IFTAP: variants seen among roughly 807,000 people sequenced by gnomAD.
The protein encoded by IFTAP is intraflagellar transport-associated protein.
IFTAP carries 19 observed loss-of-function variants against 19.4 expected under a neutral mutation model. The ratio of observed to expected loss-of-function variants is 0.98; its 90% CI spans 0.68 to 1.44. The LOEUF is 1.44. Among genes scored for constraint, IFTAP ranks in the 40% most tolerant of loss-of-function variants. The pLI is 0.00. For synonymous variants in IFTAP, 85 were observed against 83.5 expected (o/e 1.02, Z -0.10); for missense variants, 240 against 253.6 (o/e 0.95, Z 0.36).
In IFTAP at chr11:36,659,245, A is replaced by G. The variant is rs1854124322; in HGVS notation, c.*59A>G. On this transcript the variant is annotated 3_prime_UTR_variant, in exon 6 of 6. Coordinates refer to ENST00000334307, the MANE Select transcript of IFTAP (RefSeq NM_138787.4). ...TTAATTTTGTTCTTATTCTAGCAAC[A>G]TTAGAATAAAAGATAAACCTACTAT... 2 of 1,378,648 alleles carry G rather than the reference A, an allele frequency of 1.5e-6. No homozygotes were observed. Among genetic ancestry groups the G allele is most frequent in the African/African-American group, 1.5e-5 (1 of 67,686 alleles). 85.4% of individuals were successfully genotyped at this position (1,378,648 alleles called of 1,614,324 possible). A position where few individuals can be genotyped will look rare whatever the true frequency, so the allele number is the denominator to read the frequency against.
chr11:36,601,480 T>G (rs1349775396), intron 1 of IFTAP, among the ~76,000 whole-genome samples: 1 of 152,150 alleles, frequency 6.6e-6, no homozygotes, highest in Non-Finnish European at 1.5e-5. Context: ...TCCTAAAAAA[T>G]TTCATGATCT....
chr11:36,648,068 T>C lies in IFTAP; in HGVS notation c.411T>C (p.Pro137=). ...AGCAGGATGTAAGCACCAGCATTCCTTCCTGTATCCCTTTTGTGGCCCAGC... is the reference window on the plus strand; with the variant it reads ...AGCAGGATGTAAGCACCAGCATTCCCTCCTGTATCCCTTTTGTGGCCCAGC... ...EVEQDVSTSI[P]SCIPFVAQPP... Residue 137 remains proline, a synonymous_variant, in exon 5 of 6, where the codon CCT becomes CCC. Coordinates refer to ENST00000334307, the MANE Select transcript of IFTAP (RefSeq NM_138787.4). The C allele has an allele frequency of 6.2e-7, 1 of 1,613,474 alleles. No individual in the cohort carries two copies. The highest frequency in any genetic ancestry group is 8.5e-7 in the Non-Finnish European group (1 of 1,179,582).
At position 36,610,102 on chromosome 11, in the gene IFTAP, G is replaced by A; in HGVS notation, c.-2G>A. ...GCAGATACTGTGGCCTCATGAATAG[G>A]AATGTCTGCCCATATGTCAGGATTG... On this transcript the variant is annotated 5_prime_UTR_variant, in exon 2 of 6. Transcript: ENST00000334307. 6.2e-7 allele frequency: 1 copy of A among 1,612,738 alleles called. No homozygotes were observed. The highest frequency in any genetic ancestry group is 1.1e-5 in the South Asian group (1 of 90,944).
intron 5 of IFTAP, among the ~76,000 whole-genome samples, chr11:36,657,059 G>A (rs1322655720): frequency 1.3e-5 from 2 of 152,124 alleles, no homozygotes; most frequent in African/African-American, 4.8e-5. Context: ...GCAGCTTGAA[G>A]CTTAATAGAC....
At chr11:36,600,874 A>G (rs1851485166) in intron 1 of IFTAP, among the ~76,000 whole-genome samples, 1 of 152,210 alleles carries the variant, frequency 6.6e-6, no homozygotes, top group Non-Finnish European at 1.5e-5. Context: ...CATAATTGGA[A>G]AAAGAAGATG....
chr11:36,653,923 C>T (rs960421039), intron 5 of IFTAP, among the ~76,000 whole-genome samples: 4 of 152,128 alleles, frequency 2.6e-5, no homozygotes, highest in Admixed American at 1.3e-4. Flanking sequence ...ACAGTAACAA[C>T]GTGGTTGGGG....
At chr11:36,631,916 C>T (rs765240542) in intron 2 of IFTAP, among the ~76,000 whole-genome samples, 11 of 149,216 alleles carry the variant, frequency 7.4e-5, no homozygotes, top group South Asian at 2.1e-4. Flanking sequence ...GTAAGCCATT[C>T]TTCTTTGTCT....
At chr11:36,634,631 G>A (rs1852866523) in intron 3 of IFTAP, among the ~76,000 whole-genome samples, 1 of 152,142 alleles carries the variant, frequency 6.6e-6, no homozygotes, top group African/African-American at 2.4e-5. Context: ...GATAGTGATG[G>A]ATGAAGGCCA....
chr11:36,596,229 T>G lies in IFTAP; in HGVS notation c.-24+1637T>G, dbSNP rs576251203. 1.5e-4 allele frequency among the ~76,000 whole-genome samples: 23 copies of G among 150,948 alleles called. 1 individual carries two copies. The highest frequency in any genetic ancestry group is 6.3e-4 in the South Asian group (3 of 4,748). Reference sequence around the variant, plus strand: ...TGGTAGTGTTTTTTTTTTGTTTTTTTTTTTTTTTGCTTTAAAGAACTTCTG... The same window carrying G: ...TGGTAGTGTTTTTTTTTTGTTTTTTGTTTTTTTTGCTTTAAAGAACTTCTG... On this transcript the variant is annotated intron_variant, in intron 1 of 5. Transcript: ENST00000334307.
At position 36,610,137 on chromosome 11, in the gene IFTAP, G is replaced by A. The variant is rs370463806; in HGVS notation, c.34G>A (p.Asp12Asn). Residue 12 changes from aspartate to asparagine, a missense_variant, in exon 2 of 6, where the codon GAT (aspartate) becomes AAT (asparagine). By Grantham distance (23) the Asp-to-Asn change is conservative (BLOSUM62 1). Coordinates refer to ENST00000334307, the MANE Select transcript of IFTAP (RefSeq NM_138787.4). ...SAHMSGLEIM[D>N]EDQLIKDVLD... Reference sequence around the variant, plus strand: ...CCATATGTCAGGATTGGAAATAATGGATGAAGATCAATTAATCAAAGACGT... The same window carrying A: ...CCATATGTCAGGATTGGAAATAATGAATGAAGATCAATTAATCAAAGACGT... 13 of 1,612,810 alleles carry A rather than the reference G, an allele frequency of 8.1e-6. No homozygotes were observed. The highest frequency in any genetic ancestry group is 1.1e-5 in the Non-Finnish European group (13 of 1,179,156).
intron 2 of IFTAP, among the ~76,000 whole-genome samples, chr11:36,623,879 G>A (rs1387922325): frequency 6.6e-6 from 1 of 152,070 alleles, no homozygotes; most frequent in Non-Finnish European, 1.5e-5. Flanking sequence ...AGAATTTTAT[G>A]ATTAGGGTAA....
intron 2 of IFTAP, among the ~76,000 whole-genome samples, chr11:36,618,831 A>G (rs754881371): frequency 1.9e-4 from 29 of 152,188 alleles, no homozygotes; most frequent in Non-Finnish European, 3.4e-4. Context: ...GCAAAGAAGA[A>G]GTAGAGAAAC....
rs554418166 is a variant in IFTAP at position 36,623,863 on chromosome 11, A to G, written c.137-9421A>G. On this transcript the variant is annotated intron_variant, in intron 2 of 5. Transcript: ENST00000334307. ...ACTTGGTAGTTTTAAAGACTTACGC[A>G]AGAGTAGAATTTTATGATTAGGGTA... Among the ~76,000 whole-genome samples the G allele has an allele frequency of 1.2e-3, 186 of 152,296 alleles. 1 individual carries two copies. In the South Asian group the frequency reaches 0.026, roughly 21 times the overall value.
chr11:36,648,692 T>G (rs986574115), intron 5 of IFTAP, among the ~76,000 whole-genome samples: 1 of 152,166 alleles, frequency 6.6e-6, no homozygotes, highest in Non-Finnish European at 1.5e-5. Flanking sequence ...CATTATATTT[T>G]AGGACATTGT....
At position 36,638,749 on chromosome 11, in the gene IFTAP, A is replaced by C. The variant is rs527473621; in HGVS notation, c.358+2632A>C. ...AGATTCCGTTGTTATTGTTTAAGCA[A>C]CAGATTTGCTTGGGGCAACAAGGAA... is the stretch of plus-strand genomic sequence containing the variant. On this transcript the variant is annotated intron_variant, in intron 4 of 5. Coordinates refer to ENST00000334307, the MANE Select transcript of IFTAP (RefSeq NM_138787.4). Among the ~76,000 whole-genome samples, 202 of 152,350 alleles carry C rather than the reference A, an allele frequency of 1.3e-3. 1 individual carries two copies. The highest frequency in any genetic ancestry group is 4.6e-3 in the African/African-American group (191 of 41,576).
chr11:36,636,689 A>AT (rs1441215420), intron 4 of IFTAP, among the ~76,000 whole-genome samples: 4 of 152,154 alleles, frequency 2.6e-5, no homozygotes, highest in African/African-American at 2.4e-5. Flanking sequence ...AAGAAAATCC[A>AT]TTTTTTTGCT....
intron 1 of IFTAP, among the ~76,000 whole-genome samples, chr11:36,600,570 T>C (rs1315746333): frequency 6.6e-6 from 1 of 151,116 alleles, no homozygotes; most frequent in Non-Finnish European, 1.5e-5. Context: ...AAAATTGTCC[T>C]CCACGAAACT....
At chr11:36,640,370 T>G (rs551550763) in intron 4 of IFTAP, among the ~76,000 whole-genome samples, 49 of 152,376 alleles carry the variant, frequency 3.2e-4, no homozygotes, top group Middle Eastern at 3.4e-3. Flanking sequence ...TAAAAATTAT[T>G]AATTTTATTA....
chr11:36,639,014 A>G (rs557922417), intron 4 of IFTAP, among the ~76,000 whole-genome samples: 21 of 152,336 alleles, frequency 1.4e-4, no homozygotes, highest in African/African-American at 5.1e-4. Flanking sequence ...TTTATTTGAC[A>G]TCAAGTTAAC....
Sources: allele counts gnomAD v4.1 joint callset (sites outside exome capture counted in the v4.1 genomes callset), GRCh38; gene constraint gnomAD v4.1.1; transcripts MANE v1.5; gene names NCBI Gene and HGNC (gene_info 2026-07-23, HGNC 2026-07-21).